The following KPNA7 variants were observed in gnomAD, a reference collection of about 807,000 sequenced individuals.
KPNA7 encodes karyopherin subunit alpha 7.
KPNA7 carries 54 observed loss-of-function variants against 53.7 expected under a neutral mutation model. The ratio of observed to expected loss-of-function variants is 1.01; its 90% CI spans 0.81 to 1.26. The LOEUF is 1.26. KPNA7 is among the 50% of genes most tolerant of loss of function. KPNA7 has a pLI of 0.00. For missense variants in KPNA7, 640 were observed against 644.5 expected (o/e 0.99, Z 0.07); for synonymous variants, 276 against 259.3 (o/e 1.06, Z -0.62).
chr7:99,158,574 G>A, the KPNA7 span, among the ~76,000 whole-genome samples: 1 of 152,008 alleles, frequency 6.6e-6, no homozygotes, highest in African/African-American at 2.4e-5. Flanking sequence ...CACGATCTCG[G>A]CTCACTGTAA....
At chr7:99,171,034 T>C (rs1798760821), downstream of KPNA7, among the ~76,000 whole-genome samples, 2 of 151,964 alleles carry the variant, frequency 1.3e-5, no homozygotes, top group Non-Finnish European at 2.9e-5. Context: ...TTCAACATGG[T>C]GAAACCCCGT....
At position 99,192,995 on chromosome 7, in the gene KPNA7, AAAGAG is replaced by A. The variant is rs1790033902; in HGVS notation, c.636+19_636+23del. 6.9e-7 allele frequency: 1 copy of A among 1,453,610 alleles called. No homozygotes were observed. Among genetic ancestry groups the A allele is most frequent in the East Asian group, 2.5e-5 (1 of 39,714 alleles). 90.0% of individuals were successfully genotyped at this position (1,453,610 alleles called of 1,614,324 possible). On this transcript the variant is annotated intron_variant, in intron 6 of 10. Coordinates refer to ENST00000327442, the MANE Select transcript of KPNA7 (RefSeq NM_001145715.3). ...TTAAAATTTTAATTTAAAAAAAAAAAAAGAGAAAGAAAAAGACACTTACCGGCAGG... is the reference window on the plus strand; with the variant it reads ...TTAAAATTTTAATTTAAAAAAAAAAAAAAGAAAAAGACACTTACCGGCAGG...
chr7:99,209,618 G>A (rs965023854), upstream of KPNA7, among the ~76,000 whole-genome samples: 1 of 148,242 alleles, frequency 6.7e-6, no homozygotes, highest in Non-Finnish European at 1.5e-5. Flanking sequence ...AGGGGGCGGA[G>A]GTTGCCGTGA....
chr7:99,192,207 C>T (rs1789993769), intron 6 of KPNA7, among the ~76,000 whole-genome samples: 1 of 152,110 alleles, frequency 6.6e-6, no homozygotes, highest in Non-Finnish European at 1.5e-5. Flanking sequence ...ATAAATAACT[C>T]CCACAGGCTT....
At chr7:99,150,196 A>G in the KPNA7 span, among the ~76,000 whole-genome samples, 1 of 151,850 alleles carries the variant, frequency 6.6e-6, no homozygotes, top group South Asian at 2.1e-4. Context: ...CCTCAGCTCA[A>G]GCAATCCTCC....
At chr7:99,147,915 G>A in the KPNA7 span, among the ~76,000 whole-genome samples, 1 of 151,880 alleles carries the variant, frequency 6.6e-6, no homozygotes, top group Non-Finnish European at 1.5e-5. Flanking sequence ...TACTCAGGAG[G>A]CCAAGGTGGG....
the KPNA7 span, among the ~76,000 whole-genome samples, chr7:99,147,805 T>A: frequency 6.6e-6 from 1 of 150,792 alleles, no homozygotes; most frequent in South Asian, 2.1e-4. Flanking sequence ...AAAAAAAATT[T>A]TTTTTTTTGA....
intron 10 of KPNA7, among the ~76,000 whole-genome samples, chr7:99,176,064 C>T (rs924243899): frequency 1.1e-4 from 17 of 151,458 alleles, no homozygotes; most frequent in African/African-American, 2.4e-4. Context: ...TTGGGAGGCC[C>T]GAGGCAGGCG....
chr7:99,218,808 C>T (rs1791275614), intron 1 of KPNA7, among the ~76,000 whole-genome samples: 1 of 152,220 alleles, frequency 6.6e-6, no homozygotes, highest in Non-Finnish European at 1.5e-5. Flanking sequence ...TCCTCAGGGC[C>T]CCCAAACAGC....
At chr7:99,198,624 C>T (rs1790349982) in intron 3 of KPNA7, among the ~76,000 whole-genome samples, 1 of 151,978 alleles carries the variant, frequency 6.6e-6, no homozygotes, top group African/African-American at 2.4e-5. Context: ...TAAAAGGAAA[C>T]TTCTTCATTC....
chr7:99,213,205 C>CAA (rs887085742), intron 1 of KPNA7, among the ~76,000 whole-genome samples: 5 of 150,992 alleles, frequency 3.3e-5, no homozygotes, highest in Non-Finnish European at 7.4e-5. Context: ...CAGCTCACTG[C>CAA]AACCTCCGCC....
At chr7:99,198,643 G>T (rs530486351) in intron 3 of KPNA7, among the ~76,000 whole-genome samples, 1 of 151,956 alleles carries the variant, frequency 6.6e-6, no homozygotes, top group African/African-American at 2.4e-5. Context: ...TCTGATAAAG[G>T]CATCTACAAA....
At chr7:99,158,542 C>T in the KPNA7 span, among the ~76,000 whole-genome samples, 12 of 152,166 alleles carry the variant, frequency 7.9e-5, no homozygotes, top group African/African-American at 2.7e-4. Context: ...CTCACTCTGT[C>T]GCCCAGGCTG....
At chr7:99,211,066 C>G (rs1462219090), upstream of KPNA7, among the ~76,000 whole-genome samples, 2 of 152,070 alleles carry the variant, frequency 1.3e-5, no homozygotes, top group African/African-American at 2.4e-5. Context: ...GTAGAAAAGA[C>G]TAATTCAGAC....
chr7:99,163,345 AAATAT>A, the KPNA7 span, among the ~76,000 whole-genome samples: 1 of 137,118 alleles, frequency 7.3e-6, no homozygotes, highest in Admixed American at 7.6e-5. Context: ...TATGCACTAT[AAATAT>A]GAGTGTGTGT....
chr7:99,146,755 A>G, the KPNA7 span, among the ~76,000 whole-genome samples: 1 of 146,614 alleles, frequency 6.8e-6, no homozygotes, highest in Admixed American at 6.8e-5. Context: ...AAAACAACGG[A>G]AAATGCATTT....
chr7:99,208,759 G>C (rs1790946856), upstream of KPNA7, among the ~76,000 whole-genome samples: 1 of 152,210 alleles, frequency 6.6e-6, no homozygotes, highest in Non-Finnish European at 1.5e-5. Context: ...GGAGCACCAA[G>C]ACCACCAATG....
At chr7:99,198,230 AC>A (rs1170031708) in intron 3 of KPNA7, among the ~76,000 whole-genome samples, 1 of 151,900 alleles carries the variant, frequency 6.6e-6, no homozygotes, top group African/African-American at 2.4e-5. Context: ...CTCAAAAAAA[AC>A]AACAACAAAA....
At chr7:99,204,556 C>A (rs975546016) in intron 2 of KPNA7, among the ~76,000 whole-genome samples, 1 of 152,164 alleles carries the variant, frequency 6.6e-6, no homozygotes, top group African/African-American at 2.4e-5. Flanking sequence ...ACTTTTGGTT[C>A]TTTAAGCTAC....
Sources: allele counts gnomAD v4.1 joint callset (sites outside exome capture counted in the v4.1 genomes callset), GRCh38; gene constraint gnomAD v4.1.1; transcripts MANE v1.5; gene names NCBI Gene and HGNC (gene_info 2026-07-23, HGNC 2026-07-21).